The following SETX variants were observed in gnomAD, a reference collection of about 807,000 sequenced individuals.
The protein encoded by SETX is helicase senataxin.
SETX carries 90 observed loss-of-function variants against 227.2 expected under a neutral mutation model. That is an observed-to-expected ratio of 0.40 (90% CI 0.33 to 0.47). The LOEUF (loss-of-function observed/expected upper bound fraction) is 0.47. SETX is among the 20% of genes least tolerant of loss of function. The pLI is 0.91. For missense variants in SETX, 3,052 were observed against 3,181.5 expected (o/e 0.96, Z 0.98); for synonymous variants, 1,210 against 1,113.2 (o/e 1.09, Z -1.73).
At chr9:132,288,487 C>A in intron 16 of SETX, 63 bp downstream of exon 16, 1 of 1,470,120 alleles carries the variant, frequency 6.8e-7, no homozygotes, top group Non-Finnish European at 9.5e-7. Context: ...CCTTTAGTGC[C>A]CAAGTCATTT....
Position 132,327,572 on chromosome 9 carries a change from A to C in SETX, c.4026T>G (p.Leu1342=), listed in dbSNP as rs1245872432. The change falls in exon 10 of 26, where the codon CTT becomes CTG. Residue 1342 remains leucine, a synonymous_variant. Transcript: ENST00000224140. ...QNLSVRNNKK[L]LTSQELQMQR... is the part of the protein sequence containing the mutation. ...GCATCTGAAGTTCTTGACTAGTCAG[A>C]AGTTTCTTATTATTTCTGACAGACA... is the stretch of plus-strand genomic sequence containing the variant. The C allele has an allele frequency of 1.2e-6, 2 of 1,613,966 alleles. No individual in the cohort carries two copies. The highest frequency in any genetic ancestry group is 2.7e-5 in the African/African-American group (2 of 74,920).
intron 14 of SETX, 60 bp downstream of exon 14, chr9:132,296,827 C>T (rs1844699578): frequency 5.4e-6 from 8 of 1,491,122 alleles, no homozygotes; most frequent in Non-Finnish European, 7.5e-6. Context: ...TGTCAGTTAA[C>T]TCAAGTAAAG....
In SETX at chr9:132,269,600, C is replaced by G; in HGVS notation, c.7287+15G>C. 1 of 1,613,934 alleles carries G rather than the reference C, an allele frequency of 6.2e-7. No individual in the cohort carries two copies. Among genetic ancestry groups the G allele is most frequent in the African/African-American group, 1.3e-5 (1 of 75,052 alleles). On this transcript the variant is annotated intron_variant, in intron 25 of 25. Transcript: ENST00000224140. ...CAGTAACAATGGGTAAACTTCTGAG[C>G]TCTCTGGTACCTACCATCAGGGTCC...
At chr9:132,294,835 TAA>T (rs1844577681) in intron 15 of SETX, among the ~76,000 whole-genome samples, 1 of 152,214 alleles carries the variant, frequency 6.6e-6, no homozygotes, top group African/African-American at 2.4e-5. Flanking sequence ...AAGGACTCTC[TAA>T]GGCAGAGTAG....
chr9:132,287,742 A>G (rs1175120499), intron 17 of SETX, among the ~76,000 whole-genome samples: 1 of 147,928 alleles, frequency 6.8e-6, no homozygotes, highest in Non-Finnish European at 1.5e-5. Flanking sequence ...GAAAAAATGA[A>G]AAAAAAAATT....
At position 132,264,138 on chromosome 9, in the gene SETX, C is replaced by A. The variant is rs1842509464; in HGVS notation, c.*101G>T. ...ATTTTCCATGTTTTCCAACAGCACA[C>A]AAACTCCTTACAAAAAACAAGCTTA... On this transcript the variant is annotated 3_prime_UTR_variant, in exon 26 of 26. Transcript: ENST00000224140. 1.3e-6 allele frequency: 2 copies of A among 1,548,700 alleles called. No homozygotes were observed. Among genetic ancestry groups the A allele is most frequent in the Non-Finnish European group, 1.8e-6 (2 of 1,133,390 alleles).
intron 11 of SETX, among the ~76,000 whole-genome samples, chr9:132,310,364 T>C (rs1564518367): frequency 6.6e-6 from 1 of 152,370 alleles, no homozygotes; most frequent in South Asian, 2.1e-4. Flanking sequence ...GTTGAACTTA[T>C]ACACACCCTA....
chr9:132,328,101 TC>T lies in SETX; in HGVS notation c.3496del (p.Glu1166LysfsTer9). The part of the protein sequence containing the change: ...EVKKPKRKRS[E>X]KPMAEDPVRP... Reference sequence around the variant, plus strand: ...CACAGGATCTTCAGCCATTGGTTTTTCAGATCGTTTTCTCTTAGGCTTTTTT... The same window carrying T: ...CACAGGATCTTCAGCCATTGGTTTTTAGATCGTTTTCTCTTAGGCTTTTTT... On this transcript the variant is annotated frameshift_variant, in exon 10 of 26. Coordinates refer to ENST00000224140, the MANE Select transcript of SETX (RefSeq NM_015046.7). LOFTEE classifies it high-confidence loss of function. 6.2e-7 allele frequency: 1 copy of T among 1,614,078 alleles called. No individual in the cohort carries two copies. Among genetic ancestry groups the T allele is most frequent in the Non-Finnish European group, 8.5e-7 (1 of 1,180,000 alleles).
chr9:132,281,445 A>G (rs377544648), intron 20 of SETX, 22 bp downstream of exon 20: 2 of 1,560,454 alleles, frequency 1.3e-6, no homozygotes, highest in African/African-American at 1.4e-5. Flanking sequence ...ATTTTAAAGC[A>G]ATCTGAACAT....
At chr9:132,314,882 T>G (rs1370120986) in intron 10 of SETX, among the ~76,000 whole-genome samples, 4 of 148,242 alleles carry the variant, frequency 2.7e-5, no homozygotes, top group African/African-American at 9.9e-5. Context: ...AAAAAAATTA[T>G]TATTATTATT....
At chr9:132,288,493 C>G (rs532581486) in intron 16 of SETX, 57 bp downstream of exon 16, 1 of 1,490,788 alleles carries the variant, frequency 6.7e-7, no homozygotes, top group African/African-American at 1.4e-5. Flanking sequence ...GTGCCCAAGT[C>G]ATTTTCCACC....
intron 6 of SETX, 98 bp from the exon 7 acceptor site, chr9:132,334,825 A>C: frequency 7.6e-7 from 1 of 1,317,174 alleles, no homozygotes; most frequent in Non-Finnish European, 1.1e-6. Context: ...AAGATGAAGC[A>C]AGATAGTATT....
chr9:132,272,749 ATTAT>A lies in SETX; in HGVS notation c.7101-945_7101-942del, dbSNP rs549920186. ...CACATAAATGGAATTACAAAATGTG[ATTAT>A]TTGTGACTGTTCCCTTAGCATAACA... On this transcript the variant is annotated intron_variant, in intron 23 of 25. Transcript: ENST00000224140. Among the ~76,000 whole-genome samples the A allele has an allele frequency of 8.5e-5, 13 of 152,324 alleles. No individual in the cohort carries two copies. In the South Asian group the frequency reaches 1.9e-3, roughly 22 times the overall value.
At chr9:132,307,828 G>C (rs183538030) in intron 11 of SETX, among the ~76,000 whole-genome samples, 1 of 152,000 alleles carries the variant, frequency 6.6e-6, no homozygotes, top group Non-Finnish European at 1.5e-5. Flanking sequence ...ACAGGTATGC[G>C]CCACCATGCC....
rs1373033305 is a variant in SETX at position 132,328,065 on chromosome 9, G to A, written c.3533C>T (p.Ser1178Phe). ...PMAEDPVRPSSSVRNEGQSDT... is the reference protein window; with the variant it reads ...PMAEDPVRPSFSVRNEGQSDT... ...AGACTGGCCCTCATTTCTGACAGAA[G>A]ATGAAGGCCTCACAGGATCTTCAGC... Residue 1178 changes from serine to phenylalanine, a missense_variant, in exon 10 of 26, where the codon TCT becomes TTT. Ser to Phe is a radical substitution (Grantham distance 155, BLOSUM62 -2). Around this residue, in one of 10 missense-constraint regions of SETX, gnomAD observed 1,483 missense variants for 1,312.0 expected, o/e 1.13. Transcript: ENST00000224140. 1.2e-6 allele frequency: 2 copies of A among 1,614,174 alleles called. No homozygotes were observed. The highest frequency in any genetic ancestry group is 1.7e-5 in the Admixed American group (1 of 60,022).
Position 132,346,303 on chromosome 9 carries a change from C to T in SETX, c.346G>A (p.Glu116Lys), listed in dbSNP as rs768443727. ...FENKLRVPLL[E>K]ILKYPYLLLH... ...AGCAAGTAAGGATATTTCAGTATTT[C>T]AAGAAGAGGAACTCGAAGCTTATTT... The change falls in exon 4 of 26, where the codon GAA (glutamate) becomes AAA (lysine). Residue 116 changes from glutamate to lysine, a missense_variant. This residue lies in a region of SETX where 152 missense variants were observed against 156.2 expected (regional missense o/e 0.97). Transcript: ENST00000224140. 6.2e-7 allele frequency: 1 copy of T among 1,614,008 alleles called. No individual in the cohort carries two copies. The highest frequency in any genetic ancestry group is 1.7e-5 in the Admixed American group (1 of 60,016).
In SETX at chr9:132,330,567, C is replaced by T. The variant is rs1010516687; in HGVS notation, c.1099-68G>A. 23 of 1,378,222 alleles carry T rather than the reference C, an allele frequency of 1.7e-5. No homozygotes were observed. In the South Asian group the frequency reaches 2.2e-4, roughly 13 times the overall value. The allele number at this position is 1,378,222 out of a possible 1,614,324, so 85.4% of individuals were successfully genotyped here. On this transcript the variant is annotated intron_variant, in intron 9 of 25. Coordinates refer to ENST00000224140, the MANE Select transcript of SETX (RefSeq NM_015046.7). ...CTTATGACAGGTTCAACACCCAAGT[C>T]GTTAAGAAAAATACGTTTCTCAACT... is the stretch of plus-strand genomic sequence containing the variant.
chr9:132,267,717 G>C (rs112381286), intron 25 of SETX, among the ~76,000 whole-genome samples: 1 of 152,216 alleles, frequency 6.6e-6, no homozygotes. Context: ...GCACAGTTGT[G>C]CAAGTGTGAC....
In SETX at chr9:132,311,834, G is replaced by T. The variant is rs1434366684; in HGVS notation, c.5297C>A (p.Ser1766Tyr). 4 of 1,613,378 alleles carry T rather than the reference G, an allele frequency of 2.5e-6. No homozygotes were observed. In the African/African-American group the frequency reaches 5.3e-5, roughly 22 times the overall value. Reference protein sequence around the residue: ...FETVAQEWLNSPNRENFYQLQ... With the variant: ...FETVAQEWLNYPNRENFYQLQ... ...CTGATAGAAATTCTCTCTATTTGGA[G>T]AGTTGAGCCATTCTTGTGCCACCTA... is the stretch of plus-strand genomic sequence containing the variant. The change falls in exon 11 of 26, where the codon TCT (serine) becomes TAT (tyrosine). Residue 1766 changes from serine (S) to tyrosine (Y), a missense_variant. Ser to Tyr is a moderately radical substitution (Grantham distance 144, BLOSUM62 -2). Transcript: ENST00000224140.
Sources: gnomAD v4.1 joint callset for allele counts (sites outside exome capture counted in the v4.1 genomes callset) on GRCh38, gnomAD v4.1.1 for gene constraint, gnomAD v4.1.1 regional missense constraint, MANE v1.5 for transcripts, NCBI Gene and HGNC (gene_info 2026-07-23, HGNC 2026-07-21) for gene names.